Variants in DNAAF10 observed in about 807,000 individuals in gnomAD.
DNAAF10 encodes the protein dynein axonemal assembly factor 10, also known as WD repeat domain 92.
In DNAAF10, 28 loss-of-function variants were observed where a neutral mutation model predicts 43.7. That is an observed-to-expected ratio of 0.64 (90% CI 0.48 to 0.88). The LOEUF is 0.88. DNAAF10 is among the 40% of genes least tolerant of loss of function. The probability of loss-of-function intolerance (pLI) is 0.00; values close to 1 mark genes in which losing one functional copy is unlikely to be tolerated. For missense variants in DNAAF10, 403 were observed against 439.1 expected, an observed-to-expected ratio of 0.92 and a Z score of 0.73; for synonymous variants, 156 against 157.3, an observed-to-expected ratio of 0.99 and a Z score of 0.06.
At chr2:68,154,176 A>G (rs1046317289) in intron 1 of DNAAF10, among the ~76,000 whole-genome samples, 8 of 152,204 alleles carry the variant, frequency 5.3e-5, no homozygotes, top group Admixed American at 3.9e-4. Flanking sequence ...ACCTTGAAAT[A>G]GTGTGTTCTC....
rs1473322651 is a variant in DNAAF10 at position 68,131,328 on chromosome 2, A to G, written c.984T>C (p.Asp328=). The change falls in exon 8 of 8, where the codon GAT becomes GAC. Residue 328 remains aspartate (D), a synonymous_variant. Transcript: ENST00000295121. ...AGAGACCCCTTTTATCTGGACTCCA[A>G]TCCAAACTTGAAATGGGCTGGGTGG... ...TLSTQPISSL[D]WSPDKRGLCV... 3.1e-6 allele frequency: 5 copies of G among 1,614,014 alleles called. No homozygotes were observed. Among genetic ancestry groups the G allele is most frequent in the East Asian group, 2.2e-5 (1 of 44,886 alleles).
chr2:68,147,430 TATCTC>T (rs1414202028), intron 2 of DNAAF10, 32 bp downstream of exon 2: 1 of 1,465,298 alleles, frequency 6.8e-7, no homozygotes, highest in Non-Finnish European at 9.5e-7. Flanking sequence ...ATAAATTGCC[TATCTC>T]ATCTGTCTGA....
rs1672991707 is a variant in DNAAF10, at chr2:68,134,558, C to T, written c.866+144G>A. 8.1e-6 allele frequency: 12 copies of T among 1,490,434 alleles called. No homozygotes were observed. The South Asian group carries it at 1.5e-4, about 18-fold the overall frequency. The allele number at this position is 1,490,434 out of a possible 1,614,324, so 92.3% of individuals were successfully genotyped here. ...ATATTCATACAAAATGCTTAGAAAA[C>T]AAGTTATGTAACACCATGAAATTTT... On this transcript the variant is annotated intron_variant, in intron 7 of 7. Coordinates refer to ENST00000295121, the MANE Select transcript of DNAAF10 (RefSeq NM_138458.4).
chr2:68,141,757 G>A lies in DNAAF10; in HGVS notation c.454C>T (p.Pro152Ser), dbSNP rs1434817736. 1.9e-6 allele frequency: 3 copies of A among 1,614,048 alleles called. No individual in the cohort carries two copies. The highest frequency in any genetic ancestry group is 1.1e-5 in the South Asian group (1 of 91,058). ...KVWDPRQKDD[P>S]VANMEPVQGE... ...TGTACAGGTTCCATATTAGCAACAG[G>A]ATCATCTTTTTGCCTTGGGTCCCAC... Residue 152 changes from proline (P) to serine (S), a missense_variant, in exon 4 of 8, where the codon CCT (proline) becomes TCT (serine). Physicochemically the swap from Pro to Ser is moderately conservative, Grantham distance 74 (BLOSUM62 -1). Coordinates refer to ENST00000295121, the MANE Select transcript of DNAAF10 (RefSeq NM_138458.4).
intron 1 of DNAAF10, among the ~76,000 whole-genome samples, chr2:68,152,942 G>C (rs566039094): frequency 2.0e-5 from 3 of 152,148 alleles, no homozygotes; most frequent in Non-Finnish European, 4.4e-5. Flanking sequence ...AAATTCGGTA[G>C]CACAGGGGCT....
chr2:68,130,994 C>T lies in DNAAF10; in HGVS notation c.*244G>A. 3.1e-6 allele frequency: 1 copy of T among 327,086 alleles called. No homozygotes were observed. Among genetic ancestry groups the T allele is most frequent in the East Asian group, 6.3e-5 (1 of 15,970 alleles). 20.3% of individuals were successfully genotyped at this position (327,086 alleles called of 1,614,324 possible). A position where few individuals can be genotyped will look rare whatever the true frequency, so the allele number is the denominator to read the frequency against. ...GCAGTGGCACAATCTCGGCTCACTG[C>T]AACCTCCGCCTCCCGGGTTCACGCC... On this transcript the variant is annotated 3_prime_UTR_variant, in exon 8 of 8. Transcript: ENST00000295121.
At chr2:68,145,229 A>G (rs193282226) in intron 2 of DNAAF10, among the ~76,000 whole-genome samples, 9 of 152,076 alleles carry the variant, frequency 5.9e-5, no homozygotes, top group East Asian at 3.9e-4. Flanking sequence ...GAAAAAAAAA[A>G]AAAGAAAGAA....
intron 1 of DNAAF10, 82 bp from the exon 2 acceptor site, chr2:68,147,649 AT>A: frequency 1.0e-6 from 1 of 958,086 alleles, no homozygotes; most frequent in Non-Finnish European, 1.5e-6. Context: ...TTATGGCTCT[AT>A]TATGGCATTT....
At chr2:68,137,197 T>G in intron 6 of DNAAF10, 102 bp downstream of exon 6, 1 of 1,347,528 alleles carries the variant, frequency 7.4e-7, no homozygotes, top group Middle Eastern at 2.6e-4. Flanking sequence ...AATAGCTCCC[T>G]TCACATAAAG....
Position 68,157,417 on chromosome 2 carries a change from G to A in DNAAF10, c.27C>T (p.Ile9=), listed in dbSNP as rs765446400. ...TGAAGCCCTTCTGGATATGGGCGATGATCTGAGGCTTCTCGAAGGCCGACA... is the reference window on the plus strand; with the variant it reads ...TGAAGCCCTTCTGGATATGGGCGATAATCTGAGGCTTCTCGAAGGCCGACA... MSAFEKPQ[I]IAHIQKGFNY... The change falls in exon 1 of 8, where the codon ATC becomes ATT. Residue 9 remains isoleucine, a synonymous_variant. Transcript: ENST00000295121. The A allele has an allele frequency of 1.9e-6, 3 of 1,614,192 alleles. No individual in the cohort carries two copies. The highest frequency in any genetic ancestry group is 1.3e-5 in the African/African-American group (1 of 75,036).
At chr2:68,137,224 G>A (rs1235676539) in intron 6 of DNAAF10, 75 bp downstream of exon 6, 7 of 1,450,066 alleles carry the variant, frequency 4.8e-6, no homozygotes, top group Non-Finnish European at 6.4e-6. Flanking sequence ...AAGAAACCTT[G>A]GTGACTAATT....
At position 68,131,311 on chromosome 2, in the gene DNAAF10, C is replaced by G; in HGVS notation, c.1001G>C (p.Arg334Thr). 1 of 1,614,102 alleles carries G rather than the reference C, an allele frequency of 6.2e-7. No homozygotes were observed. The highest frequency in any genetic ancestry group is 1.1e-5 in the South Asian group (1 of 91,086). ...AAATGAACTACAGACGCAGAGACCC[C>G]TTTTATCTGGACTCCAATCCAAACT... ...ISSLDWSPDKRGLCVCSSFDQ... is the reference protein window; with the variant it reads ...ISSLDWSPDKTGLCVCSSFDQ... The change falls in exon 8 of 8, where the codon AGG becomes ACG. Residue 334 changes from arginine (R) to threonine (T), a missense_variant. Arg to Thr is a moderately conservative substitution (Grantham distance 71). Transcript: ENST00000295121.
intron 1 of DNAAF10, among the ~76,000 whole-genome samples, chr2:68,154,740 T>C (rs1020619079): frequency 1.3e-5 from 2 of 152,196 alleles, no homozygotes; most frequent in African/African-American, 2.4e-5. Flanking sequence ...ATGGAGTAAG[T>C]GTACTTTTGA....
intron 2 of DNAAF10, 44 bp from the exon 3 acceptor site, chr2:68,144,759 A>AT: frequency 6.4e-7 from 1 of 1,573,630 alleles, no homozygotes; most frequent in Non-Finnish European, 8.6e-7. Context: ...TCCCAAACAT[A>AT]TAAGTCTACT....
intron 7 of DNAAF10, among the ~76,000 whole-genome samples, chr2:68,133,381 G>A (rs1256608092): frequency 1.3e-5 from 2 of 151,926 alleles, no homozygotes; most frequent in South Asian, 4.1e-4. Context: ...TAGCTGGGAC[G>A]TGTGCCACCA....
intron 6 of DNAAF10, among the ~76,000 whole-genome samples, chr2:68,136,983 T>G (rs900594033): frequency 6.6e-6 from 1 of 152,204 alleles, no homozygotes. Context: ...GCACAAATAT[T>G]ATATACTTAT....
At chr2:68,153,856 A>G (rs1385297520) in intron 1 of DNAAF10, among the ~76,000 whole-genome samples, 1 of 140,716 alleles carries the variant, frequency 7.1e-6, no homozygotes, top group Non-Finnish European at 1.5e-5. Flanking sequence ...GGTTCAAGTG[A>G]TTCTCGTGCC....
Position 68,150,594 on chromosome 2 carries a change from G to A in DNAAF10, c.184-3027C>T, listed in dbSNP as rs192835515. Among the ~76,000 whole-genome samples, 1,138 of 152,172 alleles carry A rather than the reference G, an allele frequency of 7.5e-3. 11 individuals carry two copies. Among genetic ancestry groups the A allele is most frequent in the South Asian group, 0.022 (105 of 4,816 alleles). Reference sequence around the variant, plus strand: ...CTAAAAATACAAAAATTAGCCAGGCGTGGTGGTGGATGCCTGTAATTCCAG... The same window carrying A: ...CTAAAAATACAAAAATTAGCCAGGCATGGTGGTGGATGCCTGTAATTCCAG... On this transcript the variant is annotated intron_variant, in intron 1 of 7. Coordinates refer to ENST00000295121, the MANE Select transcript of DNAAF10 (RefSeq NM_138458.4).
At chr2:68,144,032 C>G (rs1185107242) in intron 3 of DNAAF10, among the ~76,000 whole-genome samples, 1 of 152,116 alleles carries the variant, frequency 6.6e-6, no homozygotes, top group Non-Finnish European at 1.5e-5. Context: ...CGTGAAGCAA[C>G]AACATTTCTG....
Sources: allele counts gnomAD v4.1 joint callset (sites outside exome capture counted in the v4.1 genomes callset), GRCh38; gene constraint gnomAD v4.1.1; transcripts MANE v1.5; gene names NCBI Gene and HGNC (gene_info 2026-07-23, HGNC 2026-07-21).